The following AKNA variants were observed in gnomAD, a reference collection of about 807,000 sequenced individuals.
AKNA encodes AT-hook transcription factor.
Under a neutral mutation model 138.8 loss-of-function variants are expected in AKNA, and 67 were observed. That is an observed-to-expected ratio of 0.48 (90% confidence interval 0.40 to 0.59). The LOEUF is 0.59. AKNA is among the 20% of genes least tolerant of loss of function. The pLI is 0.00. For missense variants in AKNA, 1,813 were observed against 1,880.4 expected (o/e 0.96, Z 0.66); for synonymous variants, 737 against 754.4 (o/e 0.98, Z 0.38).
At chr9:114,388,669 CTA>C (rs1471453064), upstream of AKNA, among the ~76,000 whole-genome samples, 2 of 152,186 alleles carry the variant, frequency 1.3e-5, no homozygotes, top group African/African-American at 4.8e-5. Flanking sequence ...GTCAGTCGAG[CTA>C]TCTTTCCTCA....
In AKNA at chr9:114,358,872, T is replaced by C. The variant is rs188252674; in HGVS notation, c.2493-705A>G. Among the ~76,000 whole-genome samples, 361 of 151,758 alleles carry C rather than the reference T, an allele frequency of 2.4e-3. 4 individuals carry two copies. The highest frequency in any genetic ancestry group is 8.1e-3 in the African/African-American group (336 of 41,352). ...ATAGCATTAGGAGATATACCTAATGTTAAATGACGAGTTAATGGGTGCAGC... is the reference window on the plus strand; with the variant it reads ...ATAGCATTAGGAGATATACCTAATGCTAAATGACGAGTTAATGGGTGCAGC... On this transcript the variant is annotated intron_variant, in intron 11 of 21. Coordinates refer to ENST00000374088, the MANE Select transcript of AKNA (RefSeq NM_001317950.2).
upstream of AKNA, among the ~76,000 whole-genome samples, chr9:114,391,372 C>T (rs972468348): frequency 1.9e-4 from 29 of 152,242 alleles, no homozygotes; most frequent in African/African-American, 6.8e-4. Flanking sequence ...TGGTTCCACA[C>T]AGAGCCTTTT....
intron 19 of AKNA, among the ~76,000 whole-genome samples, chr9:114,342,519 C>G (rs539678274): frequency 6.8e-4 from 104 of 151,830 alleles, no homozygotes; most frequent in African/African-American, 2.5e-3. Flanking sequence ...CCCGCCCCAA[C>G]CACAGTGAGA....
At chr9:114,392,866 A>T (rs1834396737), upstream of AKNA, among the ~76,000 whole-genome samples, 1 of 152,132 alleles carries the variant, frequency 6.6e-6, no homozygotes, top group African/African-American at 2.4e-5. Context: ...CTCTGTCCTC[A>T]CTCTGAGTAG....
intron 3 of AKNA, among the ~76,000 whole-genome samples, chr9:114,375,737 G>C (rs1475283604): frequency 2.0e-5 from 3 of 152,036 alleles, no homozygotes; most frequent in South Asian, 4.1e-4. Context: ...GTGGATGCGG[G>C]GGGTAGGTAC....
At chr9:114,390,551 G>A (rs1322953886), upstream of AKNA, among the ~76,000 whole-genome samples, 1 of 152,204 alleles carries the variant, frequency 6.6e-6, no homozygotes, top group Admixed American at 6.5e-5. Context: ...GGCCTTGCCT[G>A]GAAAGCTCTA....
intron 2 of AKNA, among the ~76,000 whole-genome samples, chr9:114,379,807 G>T (rs1833506112): frequency 6.6e-6 from 1 of 152,180 alleles, no homozygotes; most frequent in Non-Finnish European, 1.5e-5. Flanking sequence ...CACAGCTATT[G>T]TAGAAAACAA....
rs754824193 is a variant in AKNA, at chr9:114,368,454, C to T, written c.1558G>A (p.Ala520Thr). ...CCGGACTCACCTGAGGCCGCAGAGGCCTGGGGGTCCTCGGCCGGGCCCGGC... is the reference window on the plus strand; with the variant it reads ...CCGGACTCACCTGAGGCCGCAGAGGTCTGGGGGTCCTCGGCCGGGCCCGGC... ...WWPGPAEDPQ[A>T]SAASGWPSAR... Residue 520 changes from alanine to threonine, a missense_variant, in exon 5 of 22, where the codon GCC becomes ACC. Physicochemically the swap from Ala to Thr is moderately conservative, Grantham distance 58. Coordinates refer to ENST00000374088, the MANE Select transcript of AKNA (RefSeq NM_001317950.2). 2 of 1,329,060 alleles carry T rather than the reference C, an allele frequency of 1.5e-6. No individual in the cohort carries two copies. The highest frequency in any genetic ancestry group is 1.9e-6 in the Non-Finnish European group (2 of 1,029,968). The allele number at this position is 1,329,060 out of a possible 1,614,324, so 82.3% of individuals were successfully genotyped here.
chr9:114,392,399 C>T (rs1479093432), upstream of AKNA, among the ~76,000 whole-genome samples: 4 of 152,248 alleles, frequency 2.6e-5, no homozygotes, highest in Non-Finnish European at 5.9e-5. Context: ...CTGCAGAGCA[C>T]AGGTGTTAAG....
chr9:114,349,926 G>C (rs1377517259), intron 15 of AKNA, among the ~76,000 whole-genome samples: 8 of 152,152 alleles, frequency 5.3e-5, no homozygotes, highest in Non-Finnish European at 1.0e-4. Flanking sequence ...ACTTCCTCCA[G>C]GAAGCCCTCC....
chr9:114,386,167 A>T (rs1238678155), intron 1 of AKNA, among the ~76,000 whole-genome samples: 2 of 152,228 alleles, frequency 1.3e-5, no homozygotes, highest in Admixed American at 1.3e-4. Flanking sequence ...CAGTGGGCGC[A>T]AATTAACTTT....
chr9:114,346,682 G>A lies in AKNA; in HGVS notation c.3501C>T (p.Leu1167=). ...ARSSSVPREV[L]RLSLSSESEL... ...GTGGTCACTTACTCAGGGACAGTCG[G>A]AGCACCTCCCGAGGCACTGAGGAAG... Residue 1167 remains leucine, a synonymous_variant, in exon 17 of 22, where the codon CTC becomes CTT. Coordinates refer to ENST00000374088, the MANE Select transcript of AKNA (RefSeq NM_001317950.2). The A allele has an allele frequency of 6.2e-7, 1 of 1,610,700 alleles. No individual in the cohort carries two copies. The highest frequency in any genetic ancestry group is 8.5e-7 in the Non-Finnish European group (1 of 1,178,412).
In AKNA at chr9:114,364,575, G is replaced by A; in HGVS notation, c.1773C>T (p.Pro591=). ...TGGGCAGTACCTTGACTTGGTCCTGGGGCATGAGACGTCCTGCCTGTATCA... is the reference window on the plus strand; with the variant it reads ...TGGGCAGTACCTTGACTTGGTCCTGAGGCATGAGACGTCCTGCCTGTATCA... ...ERLIQAGRLM[P]QDQVKGFQRL... is the part of the protein sequence containing the mutation. Residue 591 remains proline (P), a synonymous_variant, in exon 7 of 22, where the codon CCC becomes CCT. Coordinates refer to ENST00000374088, the MANE Select transcript of AKNA (RefSeq NM_001317950.2). 1 of 1,613,896 alleles carries A rather than the reference G, an allele frequency of 6.2e-7. No individual in the cohort carries two copies. The highest frequency in any genetic ancestry group is 2.2e-5 in the East Asian group (1 of 44,870).
chr9:114,350,912 G>T lies in AKNA; in HGVS notation c.3168C>A (p.Pro1056=), dbSNP rs146765341. 137 of 1,609,042 alleles carry T rather than the reference G, an allele frequency of 8.5e-5. No homozygotes were observed. In the African/African-American group the frequency reaches 1.6e-3, roughly 19 times the overall value. The change falls in exon 15 of 22, where the codon CCC becomes CCA. Residue 1056 remains proline (P), a synonymous_variant. Transcript: ENST00000374088. ...TGGGGATGGTCTCTGTTGGTCCACA[G>T]GGTAGAGGCGCAGCGGCAGGGGCGG... ...PAPAPAAAPL[P]CGPTETIPSF...
At chr9:114,346,069 G>A (rs1485676006) in intron 17 of AKNA, 60 bp from the exon 18 acceptor site, 3 of 1,549,612 alleles carry the variant, frequency 1.9e-6, no homozygotes, top group East Asian at 2.3e-5. Context: ...ATTTCTCAAG[G>A]AGTGGGTATG....
In AKNA at chr9:114,356,879, G is replaced by A. The variant is rs773170257; in HGVS notation, c.2830C>T (p.Arg944Trp). The A allele has an allele frequency of 1.6e-5, 25 of 1,555,178 alleles. No homozygotes were observed. Among genetic ancestry groups the A allele is most frequent in the East Asian group, 7.5e-5 (3 of 40,070 alleles). ...VSPLTQTPEH[R>W]LSHISTAGTL... ...CCGGGATACCTGATGTGGGAGAGCC[G>A]GTGCTCTGGAGTCTGGGTGAGGGGT... The change falls in exon 13 of 22, where the codon CGG (arginine) becomes TGG (tryptophan). Residue 944 changes from arginine to tryptophan, a missense_variant. Physicochemically the swap from Arg to Trp is moderately radical, Grantham distance 101. Coordinates refer to ENST00000374088, the MANE Select transcript of AKNA (RefSeq NM_001317950.2).
chr9:114,356,317 G>C (rs541134628), intron 13 of AKNA, among the ~76,000 whole-genome samples, 181 bp from the exon 14 acceptor site: 1 of 152,274 alleles, frequency 6.6e-6, no homozygotes, highest in Admixed American at 6.5e-5. Context: ...TTTGTAAACT[G>C]TTCACTGGCC....
At chr9:114,348,208 A>G (rs1830835543) in intron 15 of AKNA, among the ~76,000 whole-genome samples, 1 of 152,140 alleles carries the variant, frequency 6.6e-6, no homozygotes, top group African/African-American at 2.4e-5. Context: ...GATGGAGACA[A>G]GGATGCAGCA....
chr9:114,363,639 G>T (rs2131946417), intron 7 of AKNA, among the ~76,000 whole-genome samples: 1 of 152,248 alleles, frequency 6.6e-6, no homozygotes, highest in Non-Finnish European at 1.5e-5. Context: ...CCTTCTCTCA[G>T]CTCCTCTCCC....
Sources: allele counts gnomAD v4.1 joint callset (sites outside exome capture counted in the v4.1 genomes callset), GRCh38; gene constraint gnomAD v4.1.1; transcripts MANE v1.5; gene names NCBI Gene and HGNC (gene_info 2026-07-23, HGNC 2026-07-21).